AGBL1: variants seen among roughly 807,000 people sequenced by gnomAD.
The protein encoded by AGBL1 is AGBL carboxypeptidase 1, also known as cytosolic carboxypeptidase 4.
A neutral mutation model predicts 118.9 loss-of-function variants in AGBL1; 130 were observed. The ratio of observed to expected loss-of-function variants is 1.09; its 90% CI spans 0.95 to 1.26. The LOEUF is 1.26. Ranked by LOEUF, AGBL1 falls within the 50% of genes most tolerant of loss-of-function variation. The pLI is 0.00. For missense variants in AGBL1, 1,584 were observed against 1,298.1 expected (o/e 1.22, Z -3.38); for synonymous variants, 555 against 478.9 (o/e 1.16, Z -2.08).
intron 21 of AGBL1, among the ~76,000 whole-genome samples, chr15:86,610,065 T>G (rs1200591202): frequency 6.6e-6 from 1 of 152,200 alleles, no homozygotes; most frequent in African/African-American, 2.4e-5. Flanking sequence ...AACATCAAAC[T>G]TTTAATGTCT....
chr15:86,232,900 A>C (rs2078479467), intron 6 of AGBL1, among the ~76,000 whole-genome samples: 1 of 152,152 alleles, frequency 6.6e-6, no homozygotes, highest in South Asian at 2.1e-4. Context: ...GAAGGAGGGT[A>C]GGGAGTAGGG....
intron 6 of AGBL1, among the ~76,000 whole-genome samples, chr15:86,227,075 A>G (rs979336997): frequency 2.6e-5 from 4 of 152,064 alleles, no homozygotes; most frequent in African/African-American, 9.6e-5. Context: ...TTAAATGAAT[A>G]CATGATTTGT....
intron 17 of AGBL1, among the ~76,000 whole-genome samples, chr15:86,309,348 C>T (rs1179774617): frequency 2.0e-5 from 3 of 152,142 alleles, no homozygotes; most frequent in Non-Finnish European, 4.4e-5. Context: ...ATGTCATCTA[C>T]AAACAGAAAA....
In AGBL1 at chr15:86,105,395, C is replaced by T. The variant is rs1386300861; in HGVS notation, c.51+25372C>T. The T allele has an allele frequency of 2.6e-5, 4 of 152,264 alleles. No homozygotes were observed. In the East Asian group the frequency reaches 5.8e-4, roughly 22 times the overall value. The allele number at this position is 152,264 out of a possible 1,614,324, so 9.4% of individuals were successfully genotyped here. The stretch of plus-strand genomic sequence containing the variant: ...AAATTAGAAAGACATATACAAATTA[C>T]CTTACCTGGGGCTAGTAAAGGCACA... On this transcript the variant is annotated intron_variant, in intron 1 of 22. Transcript: ENST00000614907.
chr15:86,927,872 T>C (rs937936636), intron 23 of AGBL1, among the ~76,000 whole-genome samples: 2 of 152,092 alleles, frequency 1.3e-5, no homozygotes, highest in Non-Finnish European at 2.9e-5. Context: ...CCCTTCCCTT[T>C]AAATATTTAG....
chr15:86,355,309 A>G (rs1349028408), intron 17 of AGBL1, among the ~76,000 whole-genome samples: 1 of 152,234 alleles, frequency 6.6e-6, no homozygotes, highest in East Asian at 1.9e-4. Flanking sequence ...AGTATCATAC[A>G]CCATATAACA....
chr15:86,098,281 T>C (rs568523233), intron 1 of AGBL1, among the ~76,000 whole-genome samples: 4 of 152,240 alleles, frequency 2.6e-5, no homozygotes, highest in Non-Finnish European at 5.9e-5. Flanking sequence ...TTCTGTTGAT[T>C]GTTTCCTCTT....
chr15:86,531,587 G>A (rs1483354454), intron 19 of AGBL1, among the ~76,000 whole-genome samples: 1 of 6,056 alleles, frequency 1.7e-4, no homozygotes, highest in South Asian at 4.7e-3. Flanking sequence ...AGAAAAAGAG[G>A]GAATCCTCCC....
intron 21 of AGBL1, among the ~76,000 whole-genome samples, chr15:86,652,721 C>A (rs535724110): frequency 6.6e-6 from 1 of 152,262 alleles, no homozygotes; most frequent in East Asian, 1.9e-4. Context: ...GAAGTTTTCT[C>A]TTTGAAATTT....
intron 18 of AGBL1, among the ~76,000 whole-genome samples, chr15:86,447,981 C>T (rs2082144719): frequency 6.6e-6 from 1 of 151,776 alleles, no homozygotes; most frequent in Non-Finnish European, 1.5e-5. Flanking sequence ...CTCGACTCTA[C>T]AAAAAATACA....
intron 22 of AGBL1, among the ~76,000 whole-genome samples, chr15:86,887,421 C>G (rs538150132): frequency 2.6e-5 from 4 of 152,218 alleles, no homozygotes; most frequent in African/African-American, 4.8e-5. Flanking sequence ...TCAGACTTCA[C>G]TGAGCTCAAC....
intron 22 of AGBL1, among the ~76,000 whole-genome samples, chr15:86,710,124 A>G (rs183571741): frequency 9.2e-5 from 14 of 152,286 alleles, no homozygotes; most frequent in African/African-American, 2.6e-4. Flanking sequence ...GTATGTGATC[A>G]CTTTTTGTCG....
intron 22 of AGBL1, among the ~76,000 whole-genome samples, chr15:86,891,648 G>A (rs959317727): frequency 2.0e-5 from 3 of 151,674 alleles, no homozygotes; most frequent in Non-Finnish European, 4.4e-5. Context: ...TTGAGCAACA[G>A]CACCATCATT....
At chr15:86,773,503 T>TC (rs1373426955) in intron 22 of AGBL1, among the ~76,000 whole-genome samples, 25 of 77,840 alleles carry the variant, frequency 3.2e-4, no homozygotes, top group African/African-American at 1.1e-3. Flanking sequence ...CCCTCCCCCC[T>TC]CCCCCCACCC....
At chr15:86,748,048 C>A (rs182131043) in intron 22 of AGBL1, among the ~76,000 whole-genome samples, 2 of 152,148 alleles carry the variant, frequency 1.3e-5, no homozygotes, top group Admixed American at 1.3e-4. Flanking sequence ...CTTGAGGAAT[C>A]GCCACACTGT....
chr15:86,776,727 A>G (rs962042784), intron 22 of AGBL1, among the ~76,000 whole-genome samples: 7 of 146,692 alleles, frequency 4.8e-5, no homozygotes, highest in African/African-American at 1.0e-4. Context: ...CTGTGAATCA[A>G]TGGCTTAGAA....
In AGBL1 at chr15:86,264,508, G is replaced by T; in HGVS notation, c.1337G>T (p.Ser446Ile). ...CTGTACCAAAATGTGCAATCCAATAGTCTCAGGAGAGATTCTTCTGAAAGT... is the reference window on the plus strand; with the variant it reads ...CTGTACCAAAATGTGCAATCCAATATTCTCAGGAGAGATTCTTCTGAAAGT... Reference protein sequence around the residue: ...VNLYQNVQSNSLRRDSSESEI... With the variant: ...VNLYQNVQSNILRRDSSESEI... The change falls in exon 11 of 23, where the codon AGT becomes ATT. Residue 446 changes from serine (S) to isoleucine (I), a missense_variant. By Grantham distance (142) the Ser-to-Ile change is moderately radical. Coordinates refer to ENST00000614907, the MANE Select transcript of AGBL1 (RefSeq NM_001386094.1). The T allele has an allele frequency of 6.2e-7, 1 of 1,614,054 alleles. No individual in the cohort carries two copies. The highest frequency in any genetic ancestry group is 8.5e-7 in the Non-Finnish European group (1 of 1,179,898).
intron 21 of AGBL1, among the ~76,000 whole-genome samples, chr15:86,672,834 C>G (rs1357870566): frequency 6.6e-6 from 1 of 152,146 alleles, no homozygotes; most frequent in African/African-American, 2.4e-5. Context: ...GTAATGTCTC[C>G]TTTCTTTAGG....
At chr15:86,126,481 C>T (rs1459472389) in intron 1 of AGBL1, among the ~76,000 whole-genome samples, 1 of 152,094 alleles carries the variant, frequency 6.6e-6, no homozygotes, top group Non-Finnish European at 1.5e-5. Flanking sequence ...AAGAGATATA[C>T]AGAATATTCA....
Sources: allele counts gnomAD v4.1 joint callset (sites outside exome capture counted in the v4.1 genomes callset), GRCh38; gene constraint gnomAD v4.1.1; transcripts MANE v1.5; gene names NCBI Gene and HGNC (gene_info 2026-07-23, HGNC 2026-07-21).